Variants in CST11 observed in about 807,000 individuals in gnomAD.
The protein encoded by CST11 is cystatin-11.
In CST11, 13 loss-of-function variants were observed where a neutral mutation model predicts 14.0. The observed-to-expected ratio is 0.93, with a 90% CI of 0.60 to 1.47. The LOEUF (loss-of-function observed/expected upper bound fraction) is 1.47, where lower values mean the gene tolerates loss of function less well. Among genes scored for constraint, CST11 ranks in the 40% most tolerant of loss-of-function variants. CST11 has a pLI of 0.00. For missense variants in CST11, 181 were observed against 160.0 expected (o/e 1.13, Z -0.71); for synonymous variants, 64 against 57.8 (o/e 1.11, Z -0.48).
Position 23,451,889 on chromosome 20 carries a change from A to C in CST11, c.260T>G (p.Val87Gly). ...VTDHLEYHLN[V>G]EMQWTTCQKP... ...TTGGCAGGTGGTCCACTGCATTTCCACATTCAGGTGATACTCCAGGTGGTC... is the reference window on the plus strand; with the variant it reads ...TTGGCAGGTGGTCCACTGCATTTCCCCATTCAGGTGATACTCCAGGTGGTC... The change falls in exon 2 of 3, where the codon GTG (valine) becomes GGG (glycine). Residue 87 changes from valine to glycine, a missense_variant. Physicochemically the swap from Val to Gly is moderately radical, Grantham distance 109 (BLOSUM62 -3). Coordinates refer to ENST00000377009, the MANE Select transcript of CST11 (RefSeq NM_130794.2). 1 of 1,613,866 alleles carries C rather than the reference A, an allele frequency of 6.2e-7. No homozygotes were observed. Among genetic ancestry groups the C allele is most frequent in the Non-Finnish European group, 8.5e-7 (1 of 1,179,858 alleles).
At chr20:23,450,682 G>GGT in intron 2 of CST11, 93 bp from the exon 3 acceptor site, 1 of 812,762 alleles carries the variant, frequency 1.2e-6, no homozygotes, top group African/African-American at 1.7e-5. Context: ...ATGGAGAAAA[G>GGT]GCTACCACCT....
At chr20:23,451,555 G>A (rs1987089269) in intron 2 of CST11, among the ~76,000 whole-genome samples, 1 of 152,164 alleles carries the variant, frequency 6.6e-6, no homozygotes, top group South Asian at 2.1e-4. Flanking sequence ...TCGCCCCAGA[G>A]TGTGCCCCTG....
At position 23,450,438 on chromosome 20, in the gene CST11, A is replaced by G. The variant is rs1987053097; in HGVS notation, c.*68T>C. Reference sequence around the variant, plus strand: ...ATGTTGACAAACATTTATTGCCTATATTAAGGATTATTGCCCATTGCAGGA... The same window carrying G: ...ATGTTGACAAACATTTATTGCCTATGTTAAGGATTATTGCCCATTGCAGGA... On this transcript the variant is annotated 3_prime_UTR_variant, in exon 3 of 3. Transcript: ENST00000377009. The G allele has an allele frequency of 2.1e-6, 2 of 965,540 alleles. No individual in the cohort carries two copies. The highest frequency in any genetic ancestry group is 3.2e-6 in the Non-Finnish European group (2 of 634,716). 59.8% of individuals were successfully genotyped at this position (965,540 alleles called of 1,614,324 possible).
In CST11 at chr20:23,452,807, A is replaced by G. The variant is rs142434409; in HGVS notation, c.5T>C (p.Met2Thr). M[M>T]AEPWQALQLL... is the part of the protein sequence containing the mutation. ...CTGTAGGGCCTGCCAGGGCTCAGCC[A>G]TCATCCTTCAGCTGCAGAGGAACAG... The change falls in exon 1 of 3, where the codon ATG becomes ACG. Residue 2 changes from methionine (M) to threonine (T), a missense_variant. Coordinates refer to ENST00000377009, the MANE Select transcript of CST11 (RefSeq NM_130794.2). The G allele has an allele frequency of 3.2e-5, 52 of 1,612,418 alleles. No individual in the cohort carries two copies. The highest frequency in any genetic ancestry group is 4.2e-5 in the Non-Finnish European group (50 of 1,178,842).
chr20:23,452,343 C>A (rs944699080), intron 1 of CST11, among the ~76,000 whole-genome samples: 1 of 152,214 alleles, frequency 6.6e-6, no homozygotes, highest in African/African-American at 2.4e-5. Flanking sequence ...AAGAACACGA[C>A]TTACAAAAGT....
At chr20:23,452,556 G>C in intron 1 of CST11, 28 bp downstream of exon 1, 1 of 1,437,296 alleles carries the variant, frequency 7.0e-7, no homozygotes, top group African/African-American at 1.4e-5. Context: ...TATCAGGCCT[G>C]GGGAGAGGCG....
At chr20:23,451,434 A>G (rs1306830722) in intron 2 of CST11, among the ~76,000 whole-genome samples, 1 of 152,224 alleles carries the variant, frequency 6.6e-6, no homozygotes, top group African/African-American at 2.4e-5. Context: ...GAGAGAGGAC[A>G]GGAGCCCAGC....
Position 23,450,451 on chromosome 20 carries a change from G to T in CST11, c.*55C>A. The T allele has an allele frequency of 9.2e-7, 1 of 1,092,054 alleles. No individual in the cohort carries two copies. Among genetic ancestry groups the T allele is most frequent in the Non-Finnish European group, 1.4e-6 (1 of 739,330 alleles). The allele number at this position is 1,092,054 out of a possible 1,614,324, so 67.6% of individuals were successfully genotyped here. A position where few individuals can be genotyped will look rare whatever the true frequency, so the allele number is the denominator to read the frequency against. Reference sequence around the variant, plus strand: ...TTTATTGCCTATATTAAGGATTATTGCCCATTGCAGGATTCTCTCACATGC... The same window carrying T: ...TTTATTGCCTATATTAAGGATTATTTCCCATTGCAGGATTCTCTCACATGC... On this transcript the variant is annotated 3_prime_UTR_variant, in exon 3 of 3. Transcript: ENST00000377009.
chr20:23,450,993 C>T (rs1389306279), intron 2 of CST11, among the ~76,000 whole-genome samples: 1 of 152,034 alleles, frequency 6.6e-6, no homozygotes, highest in Non-Finnish European at 1.5e-5. Flanking sequence ...TATGTCCATC[C>T]ATCCATTTGT....
intron 1 of CST11, 40 bp downstream of exon 1, chr20:23,452,544 C>A (rs377732391): frequency 5.0e-5 from 65 of 1,299,048 alleles, no homozygotes; most frequent in Non-Finnish European, 7.1e-5. Context: ...CCGATGTGGG[C>A]GTATCAGGCC....
rs370455227 is a variant in CST11 at position 23,452,555 on chromosome 20, T to C, written c.228+29A>G. On this transcript the variant is annotated intron_variant, in intron 1 of 2. Transcript: ENST00000377009. ...CCACCCGATGTGGGCGTATCAGGCC[T>C]GGGGAGAGGCGGGAAGTCATACACT... 5.6e-6 allele frequency: 8 copies of C among 1,439,526 alleles called. No individual in the cohort carries two copies. In the African/African-American group the frequency reaches 9.8e-5, roughly 18 times the overall value. 89.2% of individuals were successfully genotyped at this position (1,439,526 alleles called of 1,614,324 possible).
At position 23,452,735 on chromosome 20, in the gene CST11, G is replaced by T. The variant is rs765530636; in HGVS notation, c.77C>A (p.Ala26Glu). The T allele has an allele frequency of 1.1e-5, 17 of 1,614,182 alleles. No homozygotes were observed. Among genetic ancestry groups the T allele is most frequent in the Non-Finnish European group, 1.2e-5 (14 of 1,180,010 alleles). The change falls in exon 1 of 3, where the codon GCA (alanine) becomes GAA (glutamate). Residue 26 changes from alanine (A) to glutamate (E), a missense_variant. By Grantham distance (107) the Ala-to-Glu change is moderately radical (BLOSUM62 -1). Coordinates refer to ENST00000377009, the MANE Select transcript of CST11 (RefSeq NM_130794.2). ...GACGCTTAGAAAGGTTTTCTTCCTT[G>T]CTTGGTAGGGGAGGGCCATCAGAGT... ...LLTLMALPYQARKKTFLSVHE... is the reference protein window; with the variant it reads ...LLTLMALPYQERKKTFLSVHE...
Position 23,450,441 on chromosome 20 carries a change from A to T in CST11, c.*65T>A. 1.0e-6 allele frequency: 1 copy of T among 997,536 alleles called. No individual in the cohort carries two copies. Among genetic ancestry groups the T allele is most frequent in the Non-Finnish European group, 1.5e-6 (1 of 663,146 alleles). The allele number at this position is 997,536 out of a possible 1,614,324, so 61.8% of individuals were successfully genotyped here. A position where few individuals can be genotyped will look rare whatever the true frequency, so the allele number is the denominator to read the frequency against. ...TTGACAAACATTTATTGCCTATATT[A>T]AGGATTATTGCCCATTGCAGGATTC... On this transcript the variant is annotated 3_prime_UTR_variant, in exon 3 of 3. Coordinates refer to ENST00000377009, the MANE Select transcript of CST11 (RefSeq NM_130794.2).
Position 23,451,877 on chromosome 20 carries a change from C to T in CST11, c.272G>A (p.Trp91Ter). The T allele has an allele frequency of 1.9e-6, 3 of 1,614,038 alleles. No homozygotes were observed. Among genetic ancestry groups the T allele is most frequent in the African/African-American group, 2.7e-5 (2 of 75,022 alleles). ...GGTCTCTGGCTTTTGGCAGGTGGTC[C>T]ACTGCATTTCCACATTCAGGTGATA... Reference protein sequence around the residue: ...LEYHLNVEMQWTTCQKPETTN... With the variant: ...LEYHLNVEMQ The change falls in exon 2 of 3, where the codon TGG becomes TAG. Residue 91 changes from tryptophan to a stop codon, truncating the protein, a stop_gained. Coordinates refer to ENST00000377009, the MANE Select transcript of CST11 (RefSeq NM_130794.2). LOFTEE classifies it high-confidence loss of function.
chr20:23,452,161 G>C (rs1452447856), intron 1 of CST11, among the ~76,000 whole-genome samples: 2 of 152,222 alleles, frequency 1.3e-5, no homozygotes, highest in African/African-American at 4.8e-5. Flanking sequence ...GGTAATGCAA[G>C]TGACGCTAGT....
At position 23,451,937 on chromosome 20, in the gene CST11, T is replaced by G; in HGVS notation, c.229-17A>C. 1 of 1,588,444 alleles carries G rather than the reference T, an allele frequency of 6.3e-7. No individual in the cohort carries two copies. The highest frequency in any genetic ancestry group is 8.6e-7 in the Non-Finnish European group (1 of 1,157,630). ...GTCAGTGACCTGTGGGCGCCAGGCG[T>G]GGGGGAGGCACAGCTTGTCCCCTTC... On this transcript the variant is annotated splice_polypyrimidine_tract_variant and intron_variant, in intron 1 of 2. Transcript: ENST00000377009.
At position 23,452,866 on chromosome 20, in the gene CST11, C is replaced by G. The variant is rs1987144101; in HGVS notation, c.-55G>C. The G allele has an allele frequency of 2.9e-6, 4 of 1,392,806 alleles. No homozygotes were observed. The highest frequency in any genetic ancestry group is 2.5e-5 in the South Asian group (2 of 81,598). 86.3% of individuals were successfully genotyped at this position (1,392,806 alleles called of 1,614,324 possible). A position where few individuals can be genotyped will look rare whatever the true frequency, so the allele number is the denominator to read the frequency against. On this transcript the variant is annotated 5_prime_UTR_variant, in exon 1 of 3. Coordinates refer to ENST00000377009, the MANE Select transcript of CST11 (RefSeq NM_130794.2). Reference sequence around the variant, plus strand: ...TTCTCTGTACTCCTCAGGGACAAGTCGAATCACACTGACCCTACCTGCCCT... The same window carrying G: ...TTCTCTGTACTCCTCAGGGACAAGTGGAATCACACTGACCCTACCTGCCCT...
chr20:23,451,560 C>A (rs1200481468), intron 2 of CST11, among the ~76,000 whole-genome samples: 1 of 152,162 alleles, frequency 6.6e-6, no homozygotes, highest in Admixed American at 6.5e-5. Flanking sequence ...CCAGAGTGTG[C>A]CCCTGCAGCT....
Position 23,450,452 on chromosome 20 carries a change from C to T in CST11, c.*54G>A. On this transcript the variant is annotated 3_prime_UTR_variant, in exon 3 of 3. Transcript: ENST00000377009. ...TTATTGCCTATATTAAGGATTATTG[C>T]CCATTGCAGGATTCTCTCACATGCA... 9.1e-7 allele frequency: 1 copy of T among 1,099,024 alleles called. No homozygotes were observed. Among genetic ancestry groups the T allele is most frequent in the Non-Finnish European group, 1.3e-6 (1 of 746,328 alleles). The allele number at this position is 1,099,024 out of a possible 1,614,324, so 68.1% of individuals were successfully genotyped here.
Sources: gnomAD v4.1 joint callset for allele counts (sites outside exome capture counted in the v4.1 genomes callset) on GRCh38, gnomAD v4.1.1 for gene constraint, MANE v1.5 for transcripts, NCBI Gene and HGNC (gene_info 2026-07-23, HGNC 2026-07-21) for gene names.